Variants in PDE2A observed in about 807,000 individuals in gnomAD.
The protein encoded by PDE2A is phosphodiesterase 2A.
In PDE2A, 53 loss-of-function variants were observed where a neutral mutation model predicts 133.6. That is an observed-to-expected ratio of 0.40 (90% CI 0.32 to 0.50). The LOEUF is 0.50. PDE2A is among the 20% of genes least tolerant of loss of function. PDE2A has a pLI of 0.73. For missense variants in PDE2A, 796 were observed against 1,232.4 expected (o/e 0.65, Z 5.30); for synonymous variants, 491 against 490.2 (o/e 1.00, Z -0.02).
At chr11:72,582,675 G>T in intron 20 of PDE2A, 109 bp from the exon 21 acceptor site, 3 of 1,113,498 alleles carry the variant, frequency 2.7e-6, no homozygotes, top group South Asian at 1.5e-5. Context: ...ATGTACCACA[G>T]TTGGGCCACC....
intron 2 of PDE2A, among the ~76,000 whole-genome samples, chr11:72,611,358 T>C (rs1455492207): frequency 6.6e-6 from 1 of 152,098 alleles, no homozygotes; most frequent in Admixed American, 6.5e-5. Context: ...CCCTGTCTGG[T>C]TCCTGCTCAG....
At chr11:72,636,923 A>G (rs1377149676) in intron 2 of PDE2A, among the ~76,000 whole-genome samples, 1 of 152,252 alleles carries the variant, frequency 6.6e-6, no homozygotes, top group Non-Finnish European at 1.5e-5. Context: ...AGTCCTTAAC[A>G]TGGCTTACAA....
chr11:72,646,087 G>A (rs774020095), intron 1 of PDE2A, among the ~76,000 whole-genome samples: 23 of 152,200 alleles, frequency 1.5e-4, no homozygotes, highest in Non-Finnish European at 2.6e-4. Context: ...TGCACCCTCT[G>A]CCCATCTCGG....
At position 72,577,257 on chromosome 11, in the gene PDE2A, T is replaced by A; in HGVS notation, c.*127A>T. 1.5e-6 allele frequency: 1 copy of A among 654,642 alleles called. No individual in the cohort carries two copies. The highest frequency in any genetic ancestry group is 2.6e-6 in the Non-Finnish European group (1 of 380,436). The allele number at this position is 654,642 out of a possible 1,614,324, so 40.6% of individuals were successfully genotyped here. On this transcript the variant is annotated 3_prime_UTR_variant, in exon 31 of 31. Coordinates refer to ENST00000334456, the MANE Select transcript of PDE2A (RefSeq NM_002599.5). ...AGCTGAGGCCCAGGAAGGTAGTACT[T>A]GTCCAGGGTCACACAGGAAGTCCTG...
At position 72,590,881 on chromosome 11, in the gene PDE2A, G is replaced by GCT. The variant is rs1856217232; in HGVS notation, c.550-302_550-301insAG. The stretch of plus-strand genomic sequence containing the variant: ...CTGTCTCCAGCCCCCTCAGGAAGTC[G>GCT]TAAGTCCTTGTTAAAGTCACAAAAT... On this transcript the variant is annotated intron_variant, in intron 7 of 30. Coordinates refer to ENST00000334456, the MANE Select transcript of PDE2A (RefSeq NM_002599.5). The surrounding 1 kb of genome is among the most constrained non-coding windows in gnomAD (Gnocchi z 4.8). The GCT allele has an allele frequency of 2.6e-6, 1 of 379,326 alleles. No individual in the cohort carries two copies. The highest frequency in any genetic ancestry group is 8.4e-5 in the South Asian group (1 of 11,884). The allele number at this position is 379,326 out of a possible 1,614,324, so 23.5% of individuals were successfully genotyped here.
intron 4 of PDE2A, among the ~76,000 whole-genome samples, chr11:72,600,234 C>T (rs1480158006): frequency 1.3e-5 from 2 of 152,104 alleles, no homozygotes; most frequent in African/African-American, 4.8e-5. Flanking sequence ...GATCATGCTG[C>T]CTGGGTAAAA....
intron 2 of PDE2A, among the ~76,000 whole-genome samples, chr11:72,618,569 C>T (rs898962646): frequency 6.6e-6 from 1 of 152,206 alleles, no homozygotes; most frequent in Non-Finnish European, 1.5e-5. Context: ...CACGCACTCC[C>T]CTGAACCCAG....
At chr11:72,627,512 G>A (rs1858142251) in intron 2 of PDE2A, among the ~76,000 whole-genome samples, 1 of 152,208 alleles carries the variant, frequency 6.6e-6, no homozygotes, top group Admixed American at 6.5e-5. Flanking sequence ...GTGAGCAAAG[G>A]CAGGGAGGCA....
In PDE2A at chr11:72,642,217, C is replaced by A. The variant is rs372997101; in HGVS notation, c.144+37G>T. On this transcript the variant is annotated intron_variant, in intron 2 of 30. Coordinates refer to ENST00000334456, the MANE Select transcript of PDE2A (RefSeq NM_002599.5). Reference sequence around the variant, plus strand: ...ACCCGGCCCGGCGCTCGCCGGACACCCCGTTCTCCTGGTGCCCAGCGCGGG... The same window carrying A: ...ACCCGGCCCGGCGCTCGCCGGACACACCGTTCTCCTGGTGCCCAGCGCGGG... 7.0e-4 allele frequency: 1,010 copies of A among 1,441,222 alleles called. 10 individuals carry two copies. The African/African-American group carries it at 0.013, about 19-fold the overall frequency. 89.3% of individuals were successfully genotyped at this position (1,441,222 alleles called of 1,614,324 possible).
intron 14 of PDE2A, 128 bp downstream of exon 14, chr11:72,585,942 T>C: frequency 5.9e-6 from 4 of 681,890 alleles, no homozygotes; most frequent in Middle Eastern, 2.4e-4. Flanking sequence ...AGTTATGAGG[T>C]TATGGAGCCA....
intron 1 of PDE2A, chr11:72,652,762 G>GC (rs1328648371): frequency 2.2e-6 from 1 of 455,370 alleles, no homozygotes; most frequent in Non-Finnish European, 4.4e-6. Context: ...TTTCAACACA[G>GC]CCCCTTCCAG....
chr11:72,617,822 A>G (rs564676869), intron 2 of PDE2A, among the ~76,000 whole-genome samples: 1 of 152,166 alleles, frequency 6.6e-6, no homozygotes, highest in Non-Finnish European at 1.5e-5. Context: ...CTTCCTCTGC[A>G]CTGACTCCTG....
intron 2 of PDE2A, among the ~76,000 whole-genome samples, chr11:72,632,461 A>G (rs993211856): frequency 3.9e-5 from 6 of 151,996 alleles, no homozygotes; most frequent in Admixed American, 1.3e-4. Flanking sequence ...CTGGGCCTCT[A>G]TGAGGGGCTG....
intron 2 of PDE2A, among the ~76,000 whole-genome samples, chr11:72,618,278 C>G (rs1158570579): frequency 6.6e-6 from 1 of 152,256 alleles, no homozygotes; most frequent in South Asian, 2.1e-4. Flanking sequence ...TTCCCTGCAC[C>G]CCTCCAGCCT....
At chr11:72,619,762 C>A (rs1857661151) in intron 2 of PDE2A, among the ~76,000 whole-genome samples, 1 of 152,124 alleles carries the variant, frequency 6.6e-6, no homozygotes, top group African/African-American at 2.4e-5. Context: ...CTCCTCTGCG[C>A]ACCCCTGTCA....
At chr11:72,642,355 T>C in intron 1 of PDE2A, 29 bp from the exon 2 acceptor site, 1 of 1,520,876 alleles carries the variant, frequency 6.6e-7, no homozygotes, top group Non-Finnish European at 8.8e-7. Flanking sequence ...GCGATGAGGA[T>C]GTGGTGCAGC....
chr11:72,603,549 C>A (rs1009461697), intron 4 of PDE2A, among the ~76,000 whole-genome samples: 1 of 152,150 alleles, frequency 6.6e-6, no homozygotes, highest in Non-Finnish European at 1.5e-5. Flanking sequence ...CAGGCTGCTC[C>A]GAGGAGCCTT....
intron 2 of PDE2A, among the ~76,000 whole-genome samples, chr11:72,613,311 T>C (rs1857301216): frequency 6.6e-6 from 1 of 152,016 alleles, no homozygotes. Context: ...CTCTTGGGAC[T>C]GTCCGTTCAC....
chr11:72,617,074 C>T (rs568215388), intron 2 of PDE2A, among the ~76,000 whole-genome samples: 2 of 152,346 alleles, frequency 1.3e-5, no homozygotes, highest in Non-Finnish European at 1.5e-5. Context: ...GACACCTTGT[C>T]CCAGAGTCCT....
Sources: gnomAD v4.1 joint callset for allele counts (sites outside exome capture counted in the v4.1 genomes callset) on GRCh38, gnomAD v4.1.1 for gene constraint, Gnocchi (gnomAD v3.1) non-coding constraint, MANE v1.5 for transcripts, NCBI Gene and HGNC (gene_info 2026-07-23, HGNC 2026-07-21) for gene names.